Variants in URB1 observed in about 807,000 individuals in gnomAD.
URB1 encodes URB1 ribosome biogenesis factor.
URB1 carries 197 observed loss-of-function variants against 242.3 expected under a neutral mutation model. That is an observed-to-expected ratio of 0.81 (90% confidence interval 0.72 to 0.91). URB1 has a LOEUF of 0.91. Ranked by LOEUF, URB1 falls within the 40% of genes least tolerant of loss-of-function variation. The probability of loss-of-function intolerance (pLI) is 0.00; values close to 1 mark genes in which losing one functional copy is unlikely to be tolerated. For synonymous variants in URB1, 1,153 were observed against 1,201.8 expected (o/e 0.96, Z 0.84); for missense variants, 2,721 against 2,860.5 (o/e 0.95, Z 1.11).
chr21:32,349,262 C>T lies in URB1; in HGVS notation c.3012+42G>A, dbSNP rs562668842. The T allele has an allele frequency of 3.6e-5, 53 of 1,482,928 alleles. 1 individual carries two copies. In the African/African-American group the frequency reaches 6.4e-4, roughly 18 times the overall value. 91.9% of individuals were successfully genotyped at this position (1,482,928 alleles called of 1,614,324 possible). Reference sequence around the variant, plus strand: ...CAGAAGTGAAGAGAAAGCCACTGCCCATGACTCTGAGAATAGGCTACCAGG... The same window carrying T: ...CAGAAGTGAAGAGAAAGCCACTGCCTATGACTCTGAGAATAGGCTACCAGG... On this transcript the variant is annotated intron_variant, in intron 21 of 38. Transcript: ENST00000382751.
rs1601122725 is a variant in URB1, at chr21:32,325,313, G to A, written c.5037C>T (p.Asp1679=). Residue 1679 remains aspartate, a synonymous_variant, in exon 31 of 39, where the codon GAC becomes GAT. Transcript: ENST00000382751. ...GGTAGGCTATGGCTCGCATCTGGGG[G>A]TCATAGCTGCTGAGGGCTGTGACAG... ...GLTVTALSSY[D]PQMRAIAYHV... The A allele has an allele frequency of 3.2e-6, 5 of 1,551,740 alleles. No individual in the cohort carries two copies. The African/African-American group carries it at 5.5e-5, about 17-fold the overall frequency.
chr21:32,373,866 T>C, intron 6 of URB1, 94 bp from the exon 7 acceptor site: 5 of 1,199,490 alleles, frequency 4.2e-6, no homozygotes, highest in Non-Finnish European at 5.5e-6. Flanking sequence ...TGTTTTCTCA[T>C]CATTATAAAA....
intron 1 of URB1, among the ~76,000 whole-genome samples, chr21:32,388,125 A>T (rs1404468298): frequency 6.6e-6 from 1 of 152,198 alleles, no homozygotes. Flanking sequence ...CACCAAAAAC[A>T]TACCAGAAAA....
rs968698099 is a variant in URB1, at chr21:32,315,015, C to G, written c.6719G>C (p.Arg2240Pro). The change falls in exon 39 of 39, where the codon CGG becomes CCG. Residue 2240 changes from arginine (R) to proline (P), a missense_variant. Physicochemically the swap from Arg to Pro is moderately radical, Grantham distance 103. Transcript: ENST00000382751. ...ATCATCTGCGGCCTCACACACCATC[C>G]GGACGTGGGTTAAGAGGGTGTCCGG... ...QRPDTLLTHV[R>P]MVCEAADDAP... 1 of 1,551,554 alleles carries G rather than the reference C, an allele frequency of 6.4e-7. No homozygotes were observed. Among genetic ancestry groups the G allele is most frequent in the Non-Finnish European group, 8.7e-7 (1 of 1,147,002 alleles).
In URB1 at chr21:32,319,298, G is replaced by A. The variant is rs1393814388; in HGVS notation, c.5711C>T (p.Ser1904Phe). ...WESQRLCQPS[S>F]QEPAKRLALH... ...GGCAAGCCGCTTGGCAGGCTCCTGG[G>A]AGCTAGGCTGGCAAAGGCGCTGGCT... The change falls in exon 36 of 39, where the codon TCC (serine) becomes TTC (phenylalanine). Residue 1904 changes from serine (S) to phenylalanine (F), a missense_variant. Coordinates refer to ENST00000382751, the MANE Select transcript of URB1 (RefSeq NM_014825.3). The A allele has an allele frequency of 6.4e-7, 1 of 1,551,218 alleles. No homozygotes were observed. Among genetic ancestry groups the A allele is most frequent in the East Asian group, 2.4e-5 (1 of 40,884 alleles).
rs530747364 is a variant in URB1 at position 32,313,121 on chromosome 21, C to T, written c.*1797G>A. 2 of 152,300 alleles carry T rather than the reference C, an allele frequency of 1.3e-5. No individual in the cohort carries two copies. Among genetic ancestry groups the T allele is most frequent in the East Asian group, 1.9e-4 (1 of 5,174 alleles). The allele number at this position is 152,300 out of a possible 1,614,324, so 9.4% of individuals were successfully genotyped here. ...CTTTGGAGCATTTGTCGCCACCTGA[C>T]GTAGTATGTATTGACTTGCTGGGCC... On this transcript the variant is annotated 3_prime_UTR_variant, in exon 39 of 39. Coordinates refer to ENST00000382751, the MANE Select transcript of URB1 (RefSeq NM_014825.3).
chr21:32,360,728 C>A (rs1326673358), intron 13 of URB1, among the ~76,000 whole-genome samples: 1 of 152,186 alleles, frequency 6.6e-6, no homozygotes, highest in Non-Finnish European at 1.5e-5. Context: ...TTAGAGTTAA[C>A]GTCACATGAT....
chr21:32,318,508 G>A (rs937170835), intron 36 of URB1, among the ~76,000 whole-genome samples: 2 of 152,198 alleles, frequency 1.3e-5, no homozygotes, highest in East Asian at 1.9e-4. Flanking sequence ...TATCCAGCAC[G>A]GACTTAACAA....
At chr21:32,379,924 A>T (rs953316769) in intron 4 of URB1, among the ~76,000 whole-genome samples, 1 of 151,934 alleles carries the variant, frequency 6.6e-6, no homozygotes, top group Non-Finnish European at 1.5e-5. Flanking sequence ...GGTTGCAGTG[A>T]GCAGAGATCA....
In URB1 at chr21:32,350,807, A is replaced by C. The variant is rs2033148226; in HGVS notation, c.2729T>G (p.Val910Gly). The C allele has an allele frequency of 1.3e-6, 2 of 1,551,392 alleles. No individual in the cohort carries two copies. Among genetic ancestry groups the C allele is most frequent in the Non-Finnish European group, 1.7e-6 (2 of 1,146,998 alleles). Reference sequence around the variant, plus strand: ...GTGTGGCATGGTGGCCTGCAGCTGCACCTGGATGTGCTCGTCCCGAAGCGC... The same window carrying C: ...GTGTGGCATGGTGGCCTGCAGCTGCCCCTGGATGTGCTCGTCCCGAAGCGC... Reference protein sequence around the residue: ...SQALRDEHIQVQLQATMPHLS... With the variant: ...SQALRDEHIQGQLQATMPHLS... Residue 910 changes from valine to glycine, a missense_variant, in exon 20 of 39, where the codon GTG (valine) becomes GGG (glycine). Transcript: ENST00000382751.
At chr21:32,332,893 TC>T (rs1225321846) in intron 30 of URB1, among the ~76,000 whole-genome samples, 2 of 152,098 alleles carry the variant, frequency 1.3e-5, no homozygotes, top group Non-Finnish European at 2.9e-5. Flanking sequence ...GGACTCCCAC[TC>T]TGAGGCTACT....
chr21:32,352,575 C>T (rs1049869892), intron 19 of URB1, 135 bp downstream of exon 19: 2 of 981,448 alleles, frequency 2.0e-6, no homozygotes, highest in Non-Finnish European at 3.0e-6. Flanking sequence ...CTCTCTTATG[C>T]AGGGGACTTT....
At chr21:32,341,586 C>A in intron 24 of URB1, 62 bp from the exon 25 acceptor site, 1 of 1,473,222 alleles carries the variant, frequency 6.8e-7, no homozygotes, top group Non-Finnish European at 9.2e-7. Flanking sequence ...TACTAAAAGG[C>A]CCCAGCTGCA....
intron 30 of URB1, among the ~76,000 whole-genome samples, chr21:32,330,286 CGTGTAAATTTTT>C (rs760837689): frequency 1.9e-4 from 23 of 119,762 alleles, no homozygotes; most frequent in Non-Finnish European, 3.0e-4. Flanking sequence ...ATGAATTTTT[CGTGTAAATTTTT>C]GACTATTGCA....
rs565984339 is a variant in URB1, at chr21:32,311,602, T to C, written c.*3316A>G. The C allele has an allele frequency of 5.2e-6, 8 of 1,539,948 alleles. No individual in the cohort carries two copies. In the African/African-American group the frequency reaches 1.1e-4, roughly 21 times the overall value. On this transcript the variant is annotated 3_prime_UTR_variant, in exon 39 of 39. Coordinates refer to ENST00000382751, the MANE Select transcript of URB1 (RefSeq NM_014825.3). ...ATGGGGTCCGGGCAGATGGCAGGTG[T>C]GGCAGGAAACCCCCCAGCCCCACAG... is the stretch of plus-strand genomic sequence containing the variant.
chr21:32,335,951 C>T (rs2186264), intron 28 of URB1, among the ~76,000 whole-genome samples: 126,949 of 152,218 alleles, frequency 0.83, 53,520 homozygotes, highest in Admixed American at 0.9. Context: ...TGGGCAGCCT[C>T]GCTTGGCGTT....
In URB1 at chr21:32,312,998, G is replaced by C. The variant is rs1480145503; in HGVS notation, c.*1920C>G. 1 of 152,260 alleles carries C rather than the reference G, an allele frequency of 6.6e-6. No individual in the cohort carries two copies. The highest frequency in any genetic ancestry group is 1.5e-5 in the Non-Finnish European group (1 of 68,072). The allele number at this position is 152,260 out of a possible 1,614,324, so 9.4% of individuals were successfully genotyped here. On this transcript the variant is annotated 3_prime_UTR_variant, in exon 39 of 39. Coordinates refer to ENST00000382751, the MANE Select transcript of URB1 (RefSeq NM_014825.3). ...CAAGGTCAGGGCAGTGGATTTAAAA[G>C]GGAGAACAAAGAAAAGCAAGACTGA... is the stretch of plus-strand genomic sequence containing the variant.
chr21:32,365,153 A>C (rs2033332499), intron 10 of URB1, among the ~76,000 whole-genome samples: 1 of 152,224 alleles, frequency 6.6e-6, no homozygotes. Flanking sequence ...CCCACAGAGG[A>C]GGCACATCTG....
At chr21:32,345,104 T>C (rs752277732) in intron 23 of URB1, among the ~76,000 whole-genome samples, 14 of 151,896 alleles carry the variant, frequency 9.2e-5, no homozygotes, top group Non-Finnish European at 2.1e-4. Flanking sequence ...GTTGTGACAA[T>C]AAAAGATGTC....
Sources: allele counts gnomAD v4.1 joint callset (sites outside exome capture counted in the v4.1 genomes callset), GRCh38; gene constraint gnomAD v4.1.1; transcripts MANE v1.5; gene names NCBI Gene and HGNC (gene_info 2026-07-23, HGNC 2026-07-21).